PATJ: variants seen among roughly 807,000 people sequenced by gnomAD.
PATJ encodes PATJ crumbs cell polarity complex component.
Under a neutral mutation model 224.9 loss-of-function variants are expected in PATJ, and 190 were observed. The observed-to-expected ratio is 0.84, with a 90% CI of 0.75 to 0.95. The LOEUF (loss-of-function observed/expected upper bound fraction) is 0.95, where lower values mean the gene tolerates loss of function less well. PATJ is among the 40% of genes least tolerant of loss of function. The probability of loss-of-function intolerance (pLI) is 0.00; values close to 1 mark genes in which losing one functional copy is unlikely to be tolerated. For missense variants in PATJ, 2,121 were observed against 2,270.3 expected, an observed-to-expected ratio of 0.93 and a Z score of 1.34; for synonymous variants, 769 against 820.3, an observed-to-expected ratio of 0.94 and a Z score of 1.07.
intron 17 of PATJ, among the ~76,000 whole-genome samples, chr1:61,838,511 C>T (rs375543082): frequency 6.0e-5 from 9 of 149,726 alleles, no homozygotes; most frequent in African/African-American, 2.2e-4. Context: ...CCTGCTACCA[C>T]GCCTGGCTAA....
chr1:61,930,023 T>G (rs1675786325), intron 27 of PATJ, among the ~76,000 whole-genome samples: 1 of 152,204 alleles, frequency 6.6e-6, no homozygotes, highest in Non-Finnish European at 1.5e-5. Flanking sequence ...CTAATTTACC[T>G]TAAATGCAGA....
intron 27 of PATJ, among the ~76,000 whole-genome samples, chr1:61,952,937 G>A (rs1299231729): frequency 6.6e-6 from 1 of 151,478 alleles, no homozygotes; most frequent in Admixed American, 6.6e-5. Context: ...TAAACAAAAG[G>A]CTGCTTTTTC....
At chr1:61,944,170 C>T (rs910122218) in intron 27 of PATJ, among the ~76,000 whole-genome samples, 1 of 152,178 alleles carries the variant, frequency 6.6e-6, no homozygotes, top group South Asian at 2.1e-4. Context: ...CTCTTCTCCT[C>T]CAAAGAAACG....
chr1:62,127,524 G>A (rs114767612), intron 39 of PATJ, among the ~76,000 whole-genome samples: 1,525 of 152,052 alleles, frequency 0.01, 24 homozygotes, highest in African/African-American at 0.035. Context: ...CTAGAGCTGG[G>A]GCTGGGTAGG....
intron 16 of PATJ, among the ~76,000 whole-genome samples, chr1:61,829,484 C>T (rs542343906): frequency 4.7e-4 from 72 of 152,274 alleles, no homozygotes; most frequent in African/African-American, 1.6e-3. Context: ...TCTCTGCCCC[C>T]GTCTGTCATG....
chr1:61,755,125 G>A (rs147339572), intron 1 of PATJ, among the ~76,000 whole-genome samples: 2,099 of 151,938 alleles, frequency 0.014, 54 homozygotes, highest in African/African-American at 0.048. Context: ...GGCTGAGATG[G>A]TGAAACCCCG....
In PATJ at chr1:62,084,643, C is replaced by A. The variant is rs1343830685; in HGVS notation, c.4372C>A (p.Pro1458Thr). Reference protein sequence around the residue: ...GLSIVGGKDTPLNAIVIHEVY... With the variant: ...GLSIVGGKDTTLNAIVIHEVY... ...CAGCATTGTGGGAGGAAAAGACACACCCTTGGTAAGTTTCTAGAAATAAAA... is the reference window on the plus strand; with the variant it reads ...CAGCATTGTGGGAGGAAAAGACACAACCTTGGTAAGTTTCTAGAAATAAAA... The change falls in exon 33 of 44, where the codon CCC becomes ACC. Residue 1458 changes from proline to threonine, a missense_variant. Coordinates refer to ENST00000642238, the MANE Select transcript of PATJ (RefSeq NM_001350145.3). 2.5e-6 allele frequency: 4 copies of A among 1,612,100 alleles called. No homozygotes were observed. In the Admixed American group the frequency reaches 6.7e-5, roughly 27 times the overall value.
rs561348056 is a variant in PATJ at position 62,132,327 on chromosome 1, G to T, written c.5271+3382G>T. Among the ~76,000 whole-genome samples the T allele has an allele frequency of 7.2e-5, 11 of 152,236 alleles. No homozygotes were observed. The East Asian group carries it at 2.1e-3, about 29-fold the overall frequency. On this transcript the variant is annotated intron_variant, in intron 41 of 43. Coordinates refer to ENST00000642238, the MANE Select transcript of PATJ (RefSeq NM_001350145.3). ...AGCCTGGCCAACATAGAGAAACCTT[G>T]TCTCTACTAAAAATACAAAAAAGTA...
At chr1:62,128,122 A>G (rs373031682) in intron 40 of PATJ, 28 bp downstream of exon 40, 126 of 1,613,568 alleles carry the variant, frequency 7.8e-5, no homozygotes, top group Middle Eastern at 1.6e-4. Context: ...TTGAAAGACT[A>G]ACAATATGTG....
chr1:61,813,364 TATATATATATATATAC>T (rs1336583627), intron 14 of PATJ, among the ~76,000 whole-genome samples: 16 of 50,896 alleles, frequency 3.1e-4, no homozygotes, highest in South Asian at 6.7e-4. Flanking sequence ...TATATATATA[TATATATATATATATAC>T]ACACACACAC....
At position 62,163,031 on chromosome 1, in the gene PATJ, C is replaced by A; in HGVS notation, c.*1977C>A. On this transcript the variant is annotated 3_prime_UTR_variant, in exon 44 of 44. Transcript: ENST00000642238. ...ATTATTTAACTACAACACAATGCTGCAAATATTTCACAGTAATTATCAAAA... is the reference window on the plus strand; with the variant it reads ...ATTATTTAACTACAACACAATGCTGAAAATATTTCACAGTAATTATCAAAA... 4.3e-6 allele frequency: 1 copy of A among 233,152 alleles called. No individual in the cohort carries two copies. The highest frequency in any genetic ancestry group is 9.0e-6 in the Non-Finnish European group (1 of 111,026). The allele number at this position is 233,152 out of a possible 1,614,324, so 14.4% of individuals were successfully genotyped here. A position where few individuals can be genotyped will look rare whatever the true frequency, so the allele number is the denominator to read the frequency against.
intron 26 of PATJ, among the ~76,000 whole-genome samples, chr1:61,915,472 CTATT>C (rs1000744638): frequency 2.6e-5 from 4 of 152,014 alleles, no homozygotes; most frequent in African/African-American, 4.8e-5. Context: ...CATGTCTTAA[CTATT>C]TATATCATTT....
At chr1:62,070,124 A>G (rs6689347) in intron 31 of PATJ, among the ~76,000 whole-genome samples, 3,858 of 152,104 alleles carry the variant, frequency 0.025, 149 homozygotes, top group African/African-American at 0.088. Context: ...TGGGGTTGAA[A>G]CCAAGGTCGA....
chr1:61,884,557 C>A, intron 22 of PATJ, 149 bp downstream of exon 22: 1 of 608,004 alleles, frequency 1.6e-6, no homozygotes, highest in Non-Finnish European at 2.6e-6. Context: ...TTGACAATTA[C>A]TATGAGAATT....
chr1:62,009,621 G>A (rs981067315), intron 28 of PATJ, among the ~76,000 whole-genome samples: 25 of 152,246 alleles, frequency 1.6e-4, no homozygotes, highest in Middle Eastern at 6.8e-3. Context: ...TTTCAGGAAA[G>A]ATTTCTCAGT....
At chr1:61,782,987 A>G (rs6670313) in intron 7 of PATJ, among the ~76,000 whole-genome samples, 149,724 of 152,294 alleles carry the variant, frequency 0.98, 73,639 homozygotes, top group East Asian at 1. Context: ...TTGGTATGAA[A>G]CAGTTATAAT....
intron 33 of PATJ, among the ~76,000 whole-genome samples, chr1:62,091,551 A>G (rs1660731897): frequency 6.6e-6 from 1 of 152,206 alleles, no homozygotes; most frequent in South Asian, 2.1e-4. Context: ...TGTCTTTGGT[A>G]TATTACCTGG....
chr1:61,834,479 G>A (rs1287633361), intron 17 of PATJ, among the ~76,000 whole-genome samples: 2 of 152,172 alleles, frequency 1.3e-5, no homozygotes, highest in Non-Finnish European at 2.9e-5. Flanking sequence ...ATGTTGTACG[G>A]TTCTACCAGT....
At chr1:62,038,896 G>C in intron 30 of PATJ, 1 of 875,186 alleles carries the variant, frequency 1.1e-6, no homozygotes, top group Non-Finnish European at 1.9e-6. Flanking sequence ...TCCCTCCATT[G>C]TTGGAGTCCT....
Sources: gnomAD v4.1 joint callset for allele counts (sites outside exome capture counted in the v4.1 genomes callset) on GRCh38, gnomAD v4.1.1 for gene constraint, MANE v1.5 for transcripts, NCBI Gene and HGNC (gene_info 2026-07-23, HGNC 2026-07-21) for gene names.